Variants in PSMC6 observed in about 807,000 individuals in gnomAD.
The protein encoded by PSMC6 is 26S proteasome regulatory subunit 10B.
In PSMC6, 3 loss-of-function variants were observed where a neutral mutation model predicts 55.9. The ratio of observed to expected loss-of-function variants is 0.05; its 90% CI spans 0.02 to 0.14. The LOEUF (loss-of-function observed/expected upper bound fraction) is 0.14, where lower values mean the gene tolerates loss of function less well. Ranked by LOEUF, PSMC6 falls within the 10% of genes least tolerant of loss-of-function variation. PSMC6 has a pLI of 1.00. For synonymous variants in PSMC6, 137 were observed against 155.9 expected, an observed-to-expected ratio of 0.88 and a Z score of 0.90; for missense variants, 210 against 478.7, an observed-to-expected ratio of 0.44 and a Z score of 5.24.
chr14:52,722,217 AT>A (rs1231200105), intron 12 of PSMC6: 1 of 152,296 alleles, frequency 6.6e-6, no homozygotes, highest in Non-Finnish European at 1.5e-5. Flanking sequence ...GTGAAAGCCT[AT>A]TTCAGATGGG....
chr14:52,717,552 G>A (rs2041843319), intron 7 of PSMC6, among the ~76,000 whole-genome samples: 1 of 151,266 alleles, frequency 6.6e-6, no homozygotes, highest in Non-Finnish European at 1.5e-5. Flanking sequence ...TCGATCTCCT[G>A]ACCCTGTGAT....
At chr14:52,708,250 C>A in intron 1 of PSMC6, 59 bp from the exon 2 acceptor site, 2 of 1,410,906 alleles carry the variant, frequency 1.4e-6, no homozygotes, top group Non-Finnish European at 2.0e-6. Flanking sequence ...TGAGACGTAG[C>A]GACTTAAACA....
intron 9 of PSMC6, chr14:52,718,638 T>A: frequency 2.6e-6 from 1 of 385,024 alleles, no homozygotes; most frequent in Non-Finnish European, 4.8e-6. Context: ...ATACAAAAAT[T>A]AGCTGGATGT....
intron 10 of PSMC6, among the ~76,000 whole-genome samples, chr14:52,720,073 A>G (rs1360125931): frequency 6.6e-6 from 1 of 151,984 alleles, no homozygotes; most frequent in African/African-American, 2.4e-5. Flanking sequence ...AGATACAAAA[A>G]TTAGCTGGGC....
intron 12 of PSMC6, 196 bp from the exon 13 acceptor site, chr14:52,723,769 G>A (rs751788556): frequency 1.6e-6 from 2 of 1,249,794 alleles, no homozygotes; most frequent in Non-Finnish European, 2.1e-6. Flanking sequence ...TTTCAGGGGT[G>A]TGTCTAATTC....
At position 52,707,248 on chromosome 14, in the gene PSMC6, A is replaced by G. The variant is rs779585393; in HGVS notation, c.29A>G (p.Gln10Arg). MADPRDKALQDYRKKLLEHK... is the reference protein window; with the variant it reads MADPRDKALRDYRKKLLEHK... ...GCGGACCCTAGAGATAAGGCGCTTC[A>G]GGACTACCGCAAGAAGTTGCTTGAA... is the stretch of plus-strand genomic sequence containing the variant. Residue 10 changes from glutamine (Q) to arginine (R), a missense_variant, in exon 1 of 14, where the codon CAG (glutamine) becomes CGG (arginine). Coordinates refer to ENST00000445930, the MANE Select transcript of PSMC6 (RefSeq NM_002806.5). The G allele has an allele frequency of 6.2e-7, 1 of 1,613,900 alleles. No homozygotes were observed. The highest frequency in any genetic ancestry group is 2.2e-5 in the East Asian group (1 of 44,850).
In PSMC6 at chr14:52,727,577, C is replaced by T; in HGVS notation, c.1130C>T (p.Ser377Phe). The stretch of plus-strand genomic sequence containing the variant: ...AAAGCAGTCAGAAAAGTGGCTGATT[C>T]TAAGAAGCTGGAGTCTAAATTGGAC... ...FMKAVRKVADSKKLESKLDYK... is the reference protein window; with the variant it reads ...FMKAVRKVADFKKLESKLDYK... The change falls in exon 14 of 14, where the codon TCT becomes TTT. Residue 377 changes from serine (S) to phenylalanine (F), a missense_variant. This residue lies in a region of PSMC6 where 79 missense variants were observed against 158.7 expected (regional missense o/e 0.50). Transcript: ENST00000445930. 1 of 1,611,628 alleles carries T rather than the reference C, an allele frequency of 6.2e-7. No individual in the cohort carries two copies. Among genetic ancestry groups the T allele is most frequent in the Non-Finnish European group, 8.5e-7 (1 of 1,179,648 alleles).
At position 52,708,522 on chromosome 14, in the gene PSMC6, T is replaced by C. The variant is rs2041729847; in HGVS notation, c.205T>C (p.Phe69Leu). Residue 69 changes from phenylalanine (F) to leucine (L), a missense_variant and splice_region_variant, in exon 3 of 14, where the codon TTC becomes CTC. Phe to Leu is a conservative substitution (Grantham distance 22). Transcript: ENST00000445930. ...EVLKQLTEEK[F>L]IVKATNGPRY... ...GCTTAAACAGTTAACTGAAGAAAAA[T>C]GTGAGTGATGAATTAGCTTATTAAT... The C allele has an allele frequency of 6.2e-7, 1 of 1,612,462 alleles. No homozygotes were observed.
At chr14:52,726,787 G>A (rs575525485) in intron 13 of PSMC6, among the ~76,000 whole-genome samples, 83 of 151,880 alleles carry the variant, frequency 5.5e-4, no homozygotes, top group African/African-American at 2.0e-3. Context: ...GGTTACAGAT[G>A]CCCACTACTA....
rs779678774 is a variant in PSMC6, at chr14:52,707,231, T to C, written c.12T>C (p.Pro4=). 5 of 1,605,724 alleles carry C rather than the reference T, an allele frequency of 3.1e-6. No individual in the cohort carries two copies. In the Admixed American group the frequency reaches 5.1e-5, roughly 16 times the overall value. The change falls in exon 1 of 14, where the codon CCT becomes CCC. Residue 4 remains proline (P), a synonymous_variant. Coordinates refer to ENST00000445930, the MANE Select transcript of PSMC6 (RefSeq NM_002806.5). ...GACGGCTTCTCATCATGGCGGACCC[T>C]AGAGATAAGGCGCTTCAGGACTACC... MAD[P]RDKALQDYRK... is the part of the protein sequence containing the mutation.
chr14:52,714,888 A>ATT (rs67830638), intron 7 of PSMC6, among the ~76,000 whole-genome samples: 2 of 142,950 alleles, frequency 1.4e-5, no homozygotes, highest in African/African-American at 5.2e-5. Flanking sequence ...AAAAAAAAAA[A>ATT]TTTTTTTATA....
chr14:52,716,500 T>A (rs2041831169), intron 7 of PSMC6, among the ~76,000 whole-genome samples: 1 of 152,190 alleles, frequency 6.6e-6, no homozygotes, highest in African/African-American at 2.4e-5. Flanking sequence ...ATACCTGTAG[T>A]GCCAACACTT....
In PSMC6 at chr14:52,718,299, A is replaced by T. The variant is rs1283345320; in HGVS notation, c.662A>T (p.Tyr221Phe). ...SARLIREMFN[Y>F]ARDHQPCIIF... ...CGTTTGATCAGAGAAATGTTTAATT[A>T]TGCTAGAGATCATCAACCATGCATC... is the stretch of plus-strand genomic sequence containing the variant. Residue 221 changes from tyrosine (Y) to phenylalanine (F), a missense_variant, in exon 9 of 14, where the codon TAT becomes TTT. Transcript: ENST00000445930. 6.2e-7 allele frequency: 1 copy of T among 1,612,790 alleles called. No individual in the cohort carries two copies. The highest frequency in any genetic ancestry group is 2.2e-5 in the East Asian group (1 of 44,828).
At chr14:52,718,457 C>T in intron 9 of PSMC6, 105 bp downstream of exon 9, 2 of 1,217,316 alleles carry the variant, frequency 1.6e-6, no homozygotes, top group South Asian at 3.0e-5. Context: ...AAGTAGATAC[C>T]ACAATGAATC....
chr14:52,710,359 G>A (rs2041756854), intron 4 of PSMC6: 1 of 152,330 alleles, frequency 6.6e-6, no homozygotes, highest in Non-Finnish European at 1.5e-5. Context: ...AACCAGGGAG[G>A]CAGAGGTTGC....
At position 52,720,932 on chromosome 14, in the gene PSMC6, T is replaced by C. The variant is rs780857174; in HGVS notation, c.849T>C (p.Asp283=). ...VKMIMATNRP[D]TLDPALLRPG... ...TGATCATGGCTACAAACAGACCAGATACACTGGATCCTGCTTTGCTGCGTC... is the reference window on the plus strand; with the variant it reads ...TGATCATGGCTACAAACAGACCAGACACACTGGATCCTGCTTTGCTGCGTC... Residue 283 remains aspartate (D), a synonymous_variant, in exon 11 of 14, where the codon GAT becomes GAC. Coordinates refer to ENST00000445930, the MANE Select transcript of PSMC6 (RefSeq NM_002806.5). 5 of 1,613,256 alleles carry C rather than the reference T, an allele frequency of 3.1e-6. No individual in the cohort carries two copies. The East Asian group carries it at 1.1e-4, about 36-fold the overall frequency.
rs1234585672 is a variant in PSMC6, at chr14:52,723,974, C to G, written c.989C>G (p.Ala330Gly). ...TATTTTTTCTAAACAGATTATGAAGCAATTGTGAAGCTTTCGGATGGCTTT... is the reference window on the plus strand; with the variant it reads ...TATTTTTTCTAAACAGATTATGAAGGAATTGTGAAGCTTTCGGATGGCTTT... ...ITKHGEIDYEAIVKLSDGFNG... is the reference protein window; with the variant it reads ...ITKHGEIDYEGIVKLSDGFNG... The change falls in exon 13 of 14, where the codon GCA (alanine) becomes GGA (glycine). Residue 330 changes from alanine (A) to glycine (G), a missense_variant. Transcript: ENST00000445930. The G allele has an allele frequency of 6.2e-7, 1 of 1,613,502 alleles. No individual in the cohort carries two copies. Among genetic ancestry groups the G allele is most frequent in the African/African-American group, 1.3e-5 (1 of 74,994 alleles).
intron 13 of PSMC6, 87 bp downstream of exon 13, chr14:52,724,123 A>G: frequency 8.0e-7 from 1 of 1,247,642 alleles, no homozygotes; most frequent in Non-Finnish European, 1.2e-6. Flanking sequence ...AGCGGAGCAT[A>G]GACTTTGCAA....
At chr14:52,718,373 G>A (rs765097365) in intron 9 of PSMC6, 21 bp downstream of exon 9, 8 of 1,597,500 alleles carry the variant, frequency 5.0e-6, no homozygotes, top group Non-Finnish European at 6.8e-6. Flanking sequence ...CACCCTTGTT[G>A]AAAGTTTTAG....
Sources: gnomAD v4.1 joint callset for allele counts (sites outside exome capture counted in the v4.1 genomes callset) on GRCh38, gnomAD v4.1.1 for gene constraint, gnomAD v4.1.1 regional missense constraint, MANE v1.5 for transcripts, NCBI Gene and HGNC (gene_info 2026-07-23, HGNC 2026-07-21) for gene names.